Variants in DOCK7 observed in about 807,000 individuals in gnomAD.
DOCK7 encodes dedicator of cytokinesis 7, also known as dedicator of cytokinesis protein 7.
A neutral mutation model predicts 271.0 loss-of-function variants in DOCK7; 138 were observed. That is an observed-to-expected ratio of 0.51 (90% CI 0.44 to 0.59). The LOEUF (loss-of-function observed/expected upper bound fraction) is 0.59. DOCK7 is among the 20% of genes least tolerant of loss of function. The pLI is 0.00. For missense variants in DOCK7, 2,066 were observed against 2,592.4 expected (o/e 0.80, Z 4.41); for synonymous variants, 823 against 876.1 (o/e 0.94, Z 1.07).
chr1:62,583,179 A>T lies in DOCK7; in HGVS notation c.1871+5T>A, dbSNP rs774875078. ...AACTTTGAAAGAAATATTTGAATTC[A>T]GTACCTGTTATGATATACTACGGCT... is the stretch of plus-strand genomic sequence containing the variant. On this transcript the variant is annotated splice_donor_5th_base_variant and intron_variant, in intron 16 of 49. Transcript: ENST00000635253. 6.2e-7 allele frequency: 1 copy of T among 1,605,760 alleles called. No homozygotes were observed. The highest frequency in any genetic ancestry group is 1.7e-5 in the Admixed American group (1 of 59,860).
chr1:62,512,310 A>G (rs1644511202), intron 33 of DOCK7, among the ~76,000 whole-genome samples: 1 of 152,228 alleles, frequency 6.6e-6, no homozygotes, highest in African/African-American at 2.4e-5. Context: ...ACTCTTAGCA[A>G]CAGTATTGTC....
At chr1:62,456,800 G>C (rs900944034) in intron 49 of DOCK7, among the ~76,000 whole-genome samples, 2 of 152,036 alleles carry the variant, frequency 1.3e-5, no homozygotes, top group Non-Finnish European at 2.9e-5. Context: ...GACTGGGAGA[G>C]GGGGAGTGGA....
chr1:62,595,363 T>C (rs1649073845), intron 14 of DOCK7, among the ~76,000 whole-genome samples: 1 of 152,192 alleles, frequency 6.6e-6, no homozygotes, highest in African/African-American at 2.4e-5. Context: ...ATATAAACTT[T>C]TAATCTTTTA....
In DOCK7 at chr1:62,539,726, AT is replaced by A. The variant is rs771586128; in HGVS notation, c.3186+25del. The A allele has an allele frequency of 9.9e-6, 16 of 1,611,572 alleles. No individual in the cohort carries two copies. The African/African-American group carries it at 2.0e-4, about 20-fold the overall frequency. ...AGCTTAATCTGAGCTTGAAAGAGAG[AT>A]AAGTGGGGAAAAAGTTATCATTACC... On this transcript the variant is annotated intron_variant, in intron 26 of 49. Coordinates refer to ENST00000635253, the MANE Select transcript of DOCK7 (RefSeq NM_001367561.1).
chr1:62,638,462 T>C (rs972417638), intron 7 of DOCK7: 6 of 151,098 alleles, frequency 4.0e-5, no homozygotes, highest in Non-Finnish European at 5.9e-5. Flanking sequence ...ACTCTCTATC[T>C]GTAAAAAAAA....
chr1:62,581,238 T>C (rs1286008645), intron 16 of DOCK7, among the ~76,000 whole-genome samples: 4 of 152,100 alleles, frequency 2.6e-5, no homozygotes, highest in African/African-American at 9.7e-5. Context: ...AGTAAAGGGA[T>C]TTGGTATTAT....
chr1:62,662,925 C>T, intron 2 of DOCK7, 100 bp downstream of exon 2: 3 of 872,484 alleles, frequency 3.4e-6, no homozygotes, highest in East Asian at 5.1e-5. Flanking sequence ...GGTTATGAGA[C>T]TAATGACGGA....
chr1:62,601,098 T>G, intron 14 of DOCK7: 1 of 1,602,082 alleles, frequency 6.2e-7, no homozygotes, highest in Non-Finnish European at 8.5e-7. Flanking sequence ...AGGACTAGTA[T>G]TCAAGAACCC....
intron 48 of DOCK7, among the ~76,000 whole-genome samples, chr1:62,465,223 G>A (rs545413949): frequency 6.6e-6 from 1 of 152,292 alleles, no homozygotes; most frequent in East Asian, 1.9e-4. Flanking sequence ...AGTTGTTGCT[G>A]CAGTAAATTG....
chr1:62,584,525 C>A, intron 15 of DOCK7: 1 of 1,110,472 alleles, frequency 9.0e-7, no homozygotes, highest in Non-Finnish European at 1.1e-6. Context: ...AAAAGAAATG[C>A]AATACCTTTT....
chr1:62,586,083 A>C (rs1397094218), intron 15 of DOCK7, among the ~76,000 whole-genome samples: 1 of 152,314 alleles, frequency 6.6e-6, no homozygotes, highest in East Asian at 1.9e-4. Context: ...ACACAGCCTC[A>C]TATACCACAC....
In DOCK7 at chr1:62,507,952, G is replaced by GCATTCTTA. The variant is rs1314763229; in HGVS notation, c.4476+2_4476+9dup. 7 of 1,607,132 alleles carry GCATTCTTA rather than the reference G, an allele frequency of 4.4e-6. No individual in the cohort carries two copies. In the African/African-American group the frequency reaches 9.4e-5, roughly 22 times the overall value. ...TCCGTATTTTAAATTTCTCTTCTTT[G>GCATTCTTA]CATTCTTACCTGAACAACAATCTCT... is the stretch of plus-strand genomic sequence containing the variant. On this transcript the variant is annotated intron_variant, in intron 35 of 49. Coordinates refer to ENST00000635253, the MANE Select transcript of DOCK7 (RefSeq NM_001367561.1).
intron 14 of DOCK7, chr1:62,601,109 A>G: frequency 6.2e-7 from 1 of 1,608,408 alleles, no homozygotes; most frequent in Non-Finnish European, 8.5e-7. Context: ...TCAAGAACCC[A>G]CAGAAATTTC....
chr1:62,626,039 A>G (rs961910359), intron 11 of DOCK7, among the ~76,000 whole-genome samples: 1 of 152,228 alleles, frequency 6.6e-6, no homozygotes, highest in Non-Finnish European at 1.5e-5. Flanking sequence ...TCATATAAAA[A>G]TGTTCTCCAA....
intron 20 of DOCK7, among the ~76,000 whole-genome samples, chr1:62,558,130 A>T (rs1243821475): frequency 6.6e-6 from 1 of 152,078 alleles, no homozygotes; most frequent in East Asian, 1.9e-4. Flanking sequence ...TATTACCTCT[A>T]ATCAATCCTC....
intron 7 of DOCK7, among the ~76,000 whole-genome samples, chr1:62,642,113 CTT>C (rs34048472): frequency 2.9e-5 from 4 of 139,418 alleles, no homozygotes; most frequent in Non-Finnish European, 4.7e-5. Context: ...TTTACTTTTT[CTT>C]TTTTTTTTTT....
chr1:62,653,651 A>G, intron 4 of DOCK7, 74 bp downstream of exon 4: 1 of 987,022 alleles, frequency 1.0e-6, no homozygotes, highest in Non-Finnish European at 1.6e-6. Context: ...TCTCATAAAC[A>G]TTACGAATCT....
intron 2 of DOCK7, among the ~76,000 whole-genome samples, chr1:62,655,362 C>G (rs1657880731): frequency 6.6e-6 from 1 of 151,896 alleles, no homozygotes; most frequent in South Asian, 2.1e-4. Flanking sequence ...TGTGCAGGTG[C>G]ACATTATTAA....
Position 62,648,484 on chromosome 1 carries a change from T to G in DOCK7, c.450A>C (p.Gln150His), listed in dbSNP as rs771961808. 3 of 1,528,358 alleles carry G rather than the reference T, an allele frequency of 2.0e-6. No individual in the cohort carries two copies. The highest frequency in any genetic ancestry group is 2.6e-6 in the Non-Finnish European group (3 of 1,132,726). The allele number at this position is 1,528,358 out of a possible 1,614,324, so 94.7% of individuals were successfully genotyped here. A position where few individuals can be genotyped will look rare whatever the true frequency, so the allele number is the denominator to read the frequency against. The change falls in exon 5 of 50, where the codon CAA becomes CAC. Residue 150 changes from glutamine (Q) to histidine (H), a missense_variant. Gln to His is a conservative substitution (Grantham distance 24). This residue lies in a region of DOCK7 where 1,414 missense variants were observed against 1,670.4 expected (regional missense o/e 0.85). Transcript: ENST00000635253. ...CAAAAACTTGTTTTGGCAAACCTTT[T>G]TGCCTTTCTTTCTGTTTATCTAATG... ...PNTLDKQKER[Q>H]KGLPKQVFES...
Sources: gnomAD v4.1 joint callset for allele counts (sites outside exome capture counted in the v4.1 genomes callset) on GRCh38, gnomAD v4.1.1 for gene constraint, gnomAD v4.1.1 regional missense constraint, MANE v1.5 for transcripts, NCBI Gene and HGNC (gene_info 2026-07-23, HGNC 2026-07-21) for gene names.